FMN2: variants seen among roughly 807,000 people sequenced by gnomAD.
FMN2 encodes the protein formin 2, also known as formin-2.
FMN2 carries 51 observed loss-of-function variants against 142.3 expected under a neutral mutation model. The ratio of observed to expected loss-of-function variants is 0.36; its 90% CI spans 0.29 to 0.45. The LOEUF (loss-of-function observed/expected upper bound fraction) is 0.45. Among genes scored for constraint, FMN2 ranks in the 20% least tolerant of loss-of-function variants. The probability of loss-of-function intolerance (pLI) is 1.00; values close to 1 mark genes in which losing one functional copy is unlikely to be tolerated. For missense variants in FMN2, 1,936 were observed against 2,122.8 expected, an observed-to-expected ratio of 0.91 and a Z score of 1.73; for synonymous variants, 882 against 869.8, an observed-to-expected ratio of 1.01 and a Z score of -0.25.
At chr1:240,136,432 A>G (rs915859536) in intron 2 of FMN2, among the ~76,000 whole-genome samples, 14 of 152,174 alleles carry the variant, frequency 9.2e-5, no homozygotes, top group Non-Finnish European at 1.6e-4. Flanking sequence ...TTTTTAAAAA[A>G]CACACTCGTG....
chr1:240,306,234 C>T (rs1177204908), intron 8 of FMN2, among the ~76,000 whole-genome samples: 2 of 152,170 alleles, frequency 1.3e-5, no homozygotes, highest in Non-Finnish European at 2.9e-5. Context: ...AGGCGTGAGC[C>T]ACCGCACCCG....
At chr1:240,261,436 G>A (rs550211340) in intron 7 of FMN2, among the ~76,000 whole-genome samples, 6 of 150,956 alleles carry the variant, frequency 4.0e-5, no homozygotes, top group Admixed American at 1.3e-4. Context: ...CTAAAACAAA[G>A]TATATGTAAT....
chr1:240,456,929 T>C (rs1676265839), intron 16 of FMN2, among the ~76,000 whole-genome samples: 1 of 152,194 alleles, frequency 6.6e-6, no homozygotes, highest in Admixed American at 6.5e-5. Context: ...ATATTTAAGG[T>C]TCGCTATGAA....
intron 4 of FMN2, among the ~76,000 whole-genome samples, chr1:240,202,888 G>A (rs1029870897): frequency 2.2e-4 from 34 of 152,124 alleles, no homozygotes; most frequent in Admixed American, 2.2e-3. Context: ...TTTACAAACT[G>A]AGTTTTGGAA....
chr1:240,339,935 A>T (rs896006084), intron 13 of FMN2, among the ~76,000 whole-genome samples: 1 of 152,066 alleles, frequency 6.6e-6, no homozygotes, highest in Non-Finnish European at 1.5e-5. Context: ...ATTTAAGAAG[A>T]TGTACATAGT....
At position 240,346,058 on chromosome 1, in the gene FMN2, A is replaced by G. The variant is rs143532239; in HGVS notation, c.4766-9758A>G. Among the ~76,000 whole-genome samples the G allele has an allele frequency of 5.4e-3, 821 of 152,268 alleles. 2 individuals carry two copies. Among genetic ancestry groups the G allele is most frequent in the South Asian group, 0.024 (114 of 4,826 alleles). ...TCTTATTAACACAAGCTTGAGGAAA[A>G]GCAAGTTGTAGGAAAAATATGAACA... On this transcript the variant is annotated intron_variant, in intron 13 of 17. Coordinates refer to ENST00000319653, the MANE Select transcript of FMN2 (RefSeq NM_020066.5).
chr1:240,111,205 G>A (rs1222103909), intron 1 of FMN2, among the ~76,000 whole-genome samples: 1 of 152,134 alleles, frequency 6.6e-6, no homozygotes, highest in Non-Finnish European at 1.5e-5. Flanking sequence ...GGATTACCAG[G>A]GGTTATGTAA....
chr1:240,354,053 T>C (rs1370231423), intron 13 of FMN2, among the ~76,000 whole-genome samples: 1 of 152,130 alleles, frequency 6.6e-6, no homozygotes, highest in Admixed American at 6.5e-5. Flanking sequence ...AATCATGGTG[T>C]AGGCTTTGCA....
At position 240,245,577 on chromosome 1, in the gene FMN2, G is replaced by GT. The variant is rs900527340; in HGVS notation, c.4066-12361dup. ...TTAGGCAGAGGATGGTAAGTGTCTG[G>GT]TTTTTTTATGGTTTTCCGTGCATTT... On this transcript the variant is annotated intron_variant, in intron 6 of 17. Coordinates refer to ENST00000319653, the MANE Select transcript of FMN2 (RefSeq NM_020066.5). 9 of 471,222 alleles carry GT rather than the reference G, an allele frequency of 1.9e-5. No homozygotes were observed. The East Asian group carries it at 4.9e-4, about 25-fold the overall frequency. 29.2% of individuals were successfully genotyped at this position (471,222 alleles called of 1,614,324 possible).
intron 1 of FMN2, among the ~76,000 whole-genome samples, chr1:240,112,563 C>T (rs114502366): frequency 0.013 from 2,051 of 152,218 alleles, 50 homozygotes; most frequent in African/African-American, 0.046. Context: ...AAACTTTGCC[C>T]GTCTCCTGCC....
rs779340539 is a variant in FMN2, at chr1:240,092,494, G to C, written c.385G>C (p.Gly129Arg). The stretch of plus-strand genomic sequence containing the variant: ...CCTCAGCCTCTCGGCGGACGAGGCC[G>C]GCCTGTCGGATACCGAGTGTGCGGA... Reference protein sequence around the residue: ...PDLSLSADEAGLSDTECADPF... With the variant: ...PDLSLSADEARLSDTECADPF... The change falls in exon 1 of 18, where the codon GGC becomes CGC. Residue 129 changes from glycine to arginine, a missense_variant. Physicochemically the swap from Gly to Arg is moderately radical, Grantham distance 125 (BLOSUM62 -2). Coordinates refer to ENST00000319653, the MANE Select transcript of FMN2 (RefSeq NM_020066.5). 5 of 1,607,002 alleles carry C rather than the reference G, an allele frequency of 3.1e-6. No individual in the cohort carries two copies. Among genetic ancestry groups the C allele is most frequent in the Non-Finnish European group, 4.2e-6 (5 of 1,176,858 alleles).
intron 14 of FMN2, among the ~76,000 whole-genome samples, chr1:240,385,602 T>C (rs575631036): frequency 1.3e-5 from 2 of 152,300 alleles, no homozygotes; most frequent in South Asian, 4.1e-4. Flanking sequence ...TACTGTCTAC[T>C]GTACTGTCTA....
chr1:240,338,385 T>C, intron 13 of FMN2, among the ~76,000 whole-genome samples: 1 of 152,174 alleles, frequency 6.6e-6, no homozygotes, highest in East Asian at 1.9e-4. Flanking sequence ...TCCCCTTATG[T>C]TTGAGGACAG....
At chr1:240,457,170 A>G (rs936047021) in intron 16 of FMN2, among the ~76,000 whole-genome samples, 3 of 152,160 alleles carry the variant, frequency 2.0e-5, no homozygotes, top group African/African-American at 7.2e-5. Flanking sequence ...TGCTCTAGGA[A>G]AAATCTTCTA....
chr1:240,390,325 G>T (rs1156508390), intron 14 of FMN2, among the ~76,000 whole-genome samples: 2 of 152,100 alleles, frequency 1.3e-5, no homozygotes, highest in African/African-American at 2.4e-5. Flanking sequence ...ATTAGGTTTG[G>T]TAAGAAGCTT....
chr1:240,270,048 T>G (rs1356897346), intron 7 of FMN2, among the ~76,000 whole-genome samples: 2 of 152,092 alleles, frequency 1.3e-5, no homozygotes, highest in Non-Finnish European at 2.9e-5. Context: ...TTGCTCTGGC[T>G]AGGATGTCCA....
intron 14 of FMN2, among the ~76,000 whole-genome samples, chr1:240,369,223 A>G (rs1271535577): frequency 6.6e-6 from 1 of 152,120 alleles, no homozygotes; most frequent in Non-Finnish European, 1.5e-5. Context: ...GATTTCACAT[A>G]TAAGTGAGAT....
At chr1:240,425,184 A>G (rs74151671) in intron 15 of FMN2, among the ~76,000 whole-genome samples, 30 of 142,596 alleles carry the variant, frequency 2.1e-4, no homozygotes, top group African/African-American at 7.6e-4. Flanking sequence ...GGATCTCACT[A>G]AGCAAGGATT....
At chr1:240,225,107 A>G (rs887565390) in intron 6 of FMN2, among the ~76,000 whole-genome samples, 18 of 152,236 alleles carry the variant, frequency 1.2e-4, no homozygotes, top group Non-Finnish European at 1.6e-4. Context: ...ACACTGAGCA[A>G]ACAATAAGCT....
Sources: allele counts gnomAD v4.1 joint callset (sites outside exome capture counted in the v4.1 genomes callset), GRCh38; gene constraint gnomAD v4.1.1; transcripts MANE v1.5; gene names NCBI Gene and HGNC (gene_info 2026-07-23, HGNC 2026-07-21).